The following FREM2 variants were observed in gnomAD, a reference collection of about 807,000 sequenced individuals.
The protein encoded by FREM2 is FRAS1 related extracellular matrix 2, also known as FRAS1-related extracellular matrix protein 2.
A neutral mutation model predicts 219.9 loss-of-function variants in FREM2; 119 were observed. The ratio of observed to expected loss-of-function variants is 0.54; its 90% CI spans 0.47 to 0.63. The LOEUF (loss-of-function observed/expected upper bound fraction) is 0.63. FREM2 is among the 30% of genes least tolerant of loss of function. The pLI is 0.00. For missense variants in FREM2, 4,030 were observed against 3,993.6 expected (o/e 1.01, Z -0.25); for synonymous variants, 1,562 against 1,522.8 (o/e 1.03, Z -0.60).
chr13:38,754,342 A>G (rs991404413), intron 2 of FREM2, among the ~76,000 whole-genome samples: 194 of 152,326 alleles, frequency 1.3e-3, no homozygotes, highest in African/African-American at 4.1e-3. Flanking sequence ...ACTCACTCGG[A>G]TGACAGTTTT....
intron 2 of FREM2, among the ~76,000 whole-genome samples, chr13:38,751,031 GT>G (rs1231360687): frequency 6.6e-5 from 10 of 151,782 alleles, no homozygotes; most frequent in Non-Finnish European, 1.3e-4. Flanking sequence ...TTTGTTTTTT[GT>G]TTTTTTCATC....
At chr13:38,815,493 G>T (rs1018107259) in intron 6 of FREM2, among the ~76,000 whole-genome samples, 1 of 152,148 alleles carries the variant, frequency 6.6e-6, no homozygotes, top group African/African-American at 2.4e-5. Flanking sequence ...GACAAAATTA[G>T]ATATTAAACA....
chr13:38,736,638 G>A (rs1259774814), intron 2 of FREM2, among the ~76,000 whole-genome samples: 2 of 152,014 alleles, frequency 1.3e-5, no homozygotes, highest in Non-Finnish European at 2.9e-5. Flanking sequence ...TGAGGATTAT[G>A]GAAGAAGGAG....
At position 38,848,640 on chromosome 13, in the gene FREM2, A is replaced by G. The variant is rs1877255615; in HGVS notation, c.6349A>G (p.Thr2117Ala). 1 of 1,613,934 alleles carries G rather than the reference A, an allele frequency of 6.2e-7. No individual in the cohort carries two copies. The highest frequency in any genetic ancestry group is 1.3e-5 in the African/African-American group (1 of 75,042). The change falls in exon 8 of 24, where the codon ACA becomes GCA. Residue 2117 changes from threonine (T) to alanine (A), a missense_variant. Thr to Ala is a moderately conservative substitution (Grantham distance 58). This residue lies in a region of FREM2 where 3,102 missense variants were observed against 2,950.7 expected (regional missense o/e 1.05). Coordinates refer to ENST00000280481, the MANE Select transcript of FREM2 (RefSeq NM_207361.6). ...AGCCCTTGGCGAGCCCAGCAAAGCC[A>G]CAGTGTCCATAAATGACTCTGTCTC... ...NAALGEPSKA[T>A]VSINDSVSDL...
intron 6 of FREM2, among the ~76,000 whole-genome samples, chr13:38,845,595 T>G (rs1048009821): frequency 2.0e-5 from 3 of 152,228 alleles, no homozygotes; most frequent in Admixed American, 2.0e-4. Flanking sequence ...TTCTTAATAA[T>G]TGCTTATAAA....
At position 38,842,054 on chromosome 13, in the gene FREM2, G is replaced by A. The variant is rs75982644; in HGVS notation, c.6020-4519G>A. 5.1e-3 allele frequency among the ~76,000 whole-genome samples: 782 copies of A among 152,240 alleles called. 31 individuals carry two copies. In the East Asian group the frequency reaches 0.11, roughly 20 times the overall value. ...AAGATGTGCAGAGCAGAAGGTATCC[G>A]GACGAGGAAGGAGGAGCATTCAAAG... On this transcript the variant is annotated intron_variant, in intron 6 of 23. Coordinates refer to ENST00000280481, the MANE Select transcript of FREM2 (RefSeq NM_207361.6).
chr13:38,880,503 C>A lies in FREM2; in HGVS notation c.9226C>A (p.Gln3076Lys), dbSNP rs748307174. ...TGAAAACAGTCGAGGAACAAACATCCAGCACATTGCCCTGGACCGCACCAA... is the reference window on the plus strand; with the variant it reads ...TGAAAACAGTCGAGGAACAAACATCAAGCACATTGCCCTGGACCGCACCAA... ...GAENSRGTNI[Q>K]HIALDRTKRQ... Residue 3076 changes from glutamine (Q) to lysine (K), a missense_variant, in exon 24 of 24, where the codon CAG becomes AAG. Physicochemically the swap from Gln to Lys is moderately conservative, Grantham distance 53. Around this residue, in one of 2 missense-constraint regions of FREM2, gnomAD observed 928 missense variants for 1,042.9 expected, o/e 0.89. Transcript: ENST00000280481. The A allele has an allele frequency of 1.2e-6, 2 of 1,614,154 alleles. No individual in the cohort carries two copies. The highest frequency in any genetic ancestry group is 1.7e-5 in the Admixed American group (1 of 60,026).
At position 38,692,265 on chromosome 13, in the gene FREM2, C is replaced by A. The variant is rs766598932; in HGVS notation, c.4921C>A (p.Pro1641Thr). The change falls in exon 1 of 24, where the codon CCC becomes ACC. Residue 1641 changes from proline to threonine, a missense_variant. Pro to Thr is a conservative substitution (Grantham distance 38). Around this residue, in one of 2 missense-constraint regions of FREM2, gnomAD observed 3,102 missense variants for 2,950.7 expected, o/e 1.05. Transcript: ENST00000280481. ...TGATACGGTGTTTGAAACAAGGAGACCCCAAGTGATGAAGATCCAGGTCTT... is the reference window on the plus strand; with the variant it reads ...TGATACGGTGTTTGAAACAAGGAGAACCCAAGTGATGAAGATCCAGGTCTT... Reference protein sequence around the residue: ...FPDTVFETRRPQVMKIQVLAV... With the variant: ...FPDTVFETRRTQVMKIQVLAV... 25 of 1,613,902 alleles carry A rather than the reference C, an allele frequency of 1.5e-5. No homozygotes were observed. The South Asian group carries it at 2.5e-4, about 16-fold the overall frequency.
chr13:38,733,723 G>A (rs1023661819), intron 2 of FREM2, among the ~76,000 whole-genome samples: 11 of 152,010 alleles, frequency 7.2e-5, no homozygotes, highest in Non-Finnish European at 1.6e-4. Flanking sequence ...GCCCAGGCTG[G>A]TCTTGAGCCC....
Position 38,704,370 on chromosome 13 carries a change from A to G in FREM2, c.5263+6583A>G, listed in dbSNP as rs1044417465. 2.0e-5 allele frequency among the ~76,000 whole-genome samples: 3 copies of G among 152,204 alleles called. No homozygotes were observed. In the East Asian group the frequency reaches 5.8e-4, roughly 29 times the overall value. ...TGTTTAAAGTATTCTGACAGTTATA[A>G]TTAAGCCCCAGATAGAGACACAGCT... On this transcript the variant is annotated intron_variant, in intron 2 of 23. Coordinates refer to ENST00000280481, the MANE Select transcript of FREM2 (RefSeq NM_207361.6).
intron 6 of FREM2, among the ~76,000 whole-genome samples, chr13:38,834,585 T>C (rs1287140323): frequency 6.6e-6 from 1 of 152,214 alleles, no homozygotes; most frequent in African/African-American, 2.4e-5. Context: ...AAAGCATTCC[T>C]ATTTCTCCAC....
At chr13:38,880,207 A>G in intron 23 of FREM2, 77 bp from the exon 24 acceptor site, 1 of 1,418,320 alleles carries the variant, frequency 7.1e-7, no homozygotes, top group Non-Finnish European at 9.9e-7. Flanking sequence ...TCTGCCATTA[A>G]TTTCTCTTGC....
intron 4 of FREM2, among the ~76,000 whole-genome samples, chr13:38,774,030 C>T (rs936842415): frequency 6.6e-6 from 1 of 150,982 alleles, no homozygotes; most frequent in African/African-American, 2.4e-5. Flanking sequence ...ATATTGTTTC[C>T]CCCTCTAGAG....
chr13:38,806,327 A>G (rs909908389), intron 6 of FREM2, among the ~76,000 whole-genome samples: 65 of 151,964 alleles, frequency 4.3e-4, no homozygotes, highest in African/African-American at 1.5e-3. Context: ...TTAAAAGAAA[A>G]GCAAATTTGA....
At chr13:38,796,853 TC>T (rs1874809417) in intron 6 of FREM2, among the ~76,000 whole-genome samples, 1 of 152,114 alleles carries the variant, frequency 6.6e-6, no homozygotes, top group Admixed American at 6.6e-5. Context: ...TACTGTTTTT[TC>T]TGGGTTTTTT....
intron 11 of FREM2, among the ~76,000 whole-genome samples, chr13:38,854,628 T>C (rs1462677013): frequency 6.6e-6 from 1 of 152,206 alleles, no homozygotes; most frequent in Non-Finnish European, 1.5e-5. Flanking sequence ...TTTTCTTCTC[T>C]GGAACAAGAA....
chr13:38,869,711 T>C (rs931664155), intron 16 of FREM2, among the ~76,000 whole-genome samples: 11 of 152,348 alleles, frequency 7.2e-5, no homozygotes, highest in African/African-American at 2.6e-4. Flanking sequence ...TCTACCTTTG[T>C]GTGTGACACC....
chr13:38,783,088 C>T lies in FREM2; in HGVS notation c.5660C>T (p.Pro1887Leu), dbSNP rs2137829591. The change falls in exon 5 of 24, where the codon CCC becomes CTC. Residue 1887 changes from proline to leucine, a missense_variant. Around this residue, in one of 2 missense-constraint regions of FREM2, gnomAD observed 3,102 missense variants for 2,950.7 expected, o/e 1.05. Transcript: ENST00000280481. ...TCTCTAGAGCCAACTGTGTTTATTC[C>T]CCAGTCCAAATACTCCGTTGAAGAA... ...DPGDEPTVFI[P>L]QSKYSVEEDV... 1 of 1,613,726 alleles carries T rather than the reference C, an allele frequency of 6.2e-7. No homozygotes were observed. Among genetic ancestry groups the T allele is most frequent in the Non-Finnish European group, 8.5e-7 (1 of 1,179,934 alleles).
At position 38,784,748 on chromosome 13, in the gene FREM2, G is replaced by A; in HGVS notation, c.5959G>A (p.Gly1987Arg). 1.2e-6 allele frequency: 2 copies of A among 1,614,128 alleles called. No homozygotes were observed. Among genetic ancestry groups the A allele is most frequent in the Admixed American group, 1.7e-5 (1 of 60,022 alleles). ...FHVLLSMPMGGRIGSEFPGAQ... is the reference protein window; with the variant it reads ...FHVLLSMPMGRRIGSEFPGAQ... The stretch of plus-strand genomic sequence containing the variant: ...TGTCCTTCTGAGCATGCCCATGGGG[G>A]GAAGAATCGGATCAGAGTTCCCAGG... Residue 1987 changes from glycine (G) to arginine (R), a missense_variant, in exon 6 of 24, where the codon GGA becomes AGA. Coordinates refer to ENST00000280481, the MANE Select transcript of FREM2 (RefSeq NM_207361.6).
Sources: allele counts gnomAD v4.1 joint callset (sites outside exome capture counted in the v4.1 genomes callset), GRCh38; gene constraint gnomAD v4.1.1; regional missense constraint gnomAD v4.1.1; transcripts MANE v1.5; gene names NCBI Gene and HGNC (gene_info 2026-07-23, HGNC 2026-07-21).